Variants in USP28 observed in about 807,000 individuals in gnomAD.
The protein encoded by USP28 is ubiquitin carboxyl-terminal hydrolase 28.
A neutral mutation model predicts 145.0 loss-of-function variants in USP28; 113 were observed. That is an observed-to-expected ratio of 0.78 (90% CI 0.67 to 0.91). USP28 has a LOEUF of 0.91. USP28 is among the 40% of genes least tolerant of loss of function. The probability of loss-of-function intolerance (pLI) is 0.00; values close to 1 mark genes in which losing one functional copy is unlikely to be tolerated. For synonymous variants in USP28, 447 were observed against 450.9 expected (o/e 0.99, Z 0.11); for missense variants, 1,201 against 1,289.6 (o/e 0.93, Z 1.05).
At chr11:113,864,582 C>G (rs1425184170) in intron 1 of USP28, among the ~76,000 whole-genome samples, 1 of 152,148 alleles carries the variant, frequency 6.6e-6, no homozygotes, top group African/African-American at 2.4e-5. Context: ...TGTCTAAGTT[C>G]CAGTGCCAGG....
chr11:113,804,615 T>C lies in USP28; in HGVS notation c.2658+58A>G, dbSNP rs1017941805. On this transcript the variant is annotated intron_variant, in intron 21 of 24. Transcript: ENST00000003302. ...ACAAAATTGTTTATTTTGCCTCAGG[T>C]ACCATTTACCTCAGGAATTAATGTT... 4 of 1,500,312 alleles carry C rather than the reference T, an allele frequency of 2.7e-6. No individual in the cohort carries two copies. In the Admixed American group the frequency reaches 7.5e-5, roughly 28 times the overall value. 92.9% of individuals were successfully genotyped at this position (1,500,312 alleles called of 1,614,324 possible).
intron 11 of USP28, among the ~76,000 whole-genome samples, chr11:113,824,873 G>A (rs1476042108): frequency 6.6e-6 from 1 of 150,660 alleles, no homozygotes; most frequent in Non-Finnish European, 1.5e-5. Flanking sequence ...AGAGGTTGCG[G>A]TGAGCCAAGA....
At chr11:113,829,975 G>A (rs577708338) in intron 9 of USP28, among the ~76,000 whole-genome samples, 1 of 152,232 alleles carries the variant, frequency 6.6e-6, no homozygotes, top group African/African-American at 2.4e-5. Context: ...TTTATAAGAG[G>A]AGGAATAGAG....
At chr11:113,804,618 C>G in intron 21 of USP28, 55 bp downstream of exon 22, 1 of 1,508,972 alleles carries the variant, frequency 6.6e-7, no homozygotes, top group Non-Finnish European at 9.1e-7. Flanking sequence ...CCTCAGGTAC[C>G]ATTTACCTCA....
chr11:113,805,487 C>T (rs1336355869), intron 19 of USP28, among the ~76,000 whole-genome samples: 2 of 152,072 alleles, frequency 1.3e-5, no homozygotes, highest in East Asian at 3.9e-4. Context: ...AACTCCTGAG[C>T]TCAAGCAATC....
chr11:113,847,460 G>A (rs1257204114), intron 3 of USP28, among the ~76,000 whole-genome samples: 1 of 121,052 alleles, frequency 8.3e-6, no homozygotes, highest in Non-Finnish European at 1.7e-5. Context: ...GGGGTGGGGG[G>A]GCGGGGTGGA....
intron 1 of USP28, among the ~76,000 whole-genome samples, chr11:113,870,250 G>T (rs1358702679): frequency 6.6e-6 from 1 of 152,218 alleles, no homozygotes; most frequent in Non-Finnish European, 1.5e-5. Flanking sequence ...GAGGGGGCCA[G>T]GTGTGGTGGC....
exon 16 of USP28, chr11:113,812,326 C>A: frequency 6.2e-7 from 1 of 1,614,134 alleles, no homozygotes; most frequent in African/African-American, 1.3e-5. Flanking sequence ...ACAGTAAGCA[C>A]TAACATTTCT....
intron 7 of USP28, 142 bp downstream of exon 7, chr11:113,833,278 T>C (rs1232038665): frequency 4.3e-6 from 5 of 1,155,448 alleles, no homozygotes; most frequent in Admixed American, 2.3e-5. Flanking sequence ...ACCTGTTCTG[T>C]AGGCAAAACA....
rs1162462865 is a variant in USP28, at chr11:113,804,672, C to T, written c.2658+1G>A. On this transcript the variant is annotated splice_donor_variant, in intron 21 of 24. Transcript: ENST00000003302. LOFTEE classifies it high-confidence loss of function. ...CTATAGACTTAAAGAAAACACTTTACCTTGTACTCTTCCATATTCATGTCA... is the reference window on the plus strand; with the variant it reads ...CTATAGACTTAAAGAAAACACTTTATCTTGTACTCTTCCATATTCATGTCA... 8 of 1,611,952 alleles carry T rather than the reference C, an allele frequency of 5.0e-6. No individual in the cohort carries two copies. The highest frequency in any genetic ancestry group is 6.8e-6 in the Non-Finnish European group (8 of 1,179,748).
At chr11:113,810,049 A>AG (rs1415067723) in intron 16 of USP28, among the ~76,000 whole-genome samples, 1 of 151,524 alleles carries the variant, frequency 6.6e-6, no homozygotes, top group East Asian at 1.9e-4. Context: ...AAAAAAAAAA[A>AG]AAAAAAAAGA....
chr11:113,819,470 T>C (rs1297031126), intron 12 of USP28, among the ~76,000 whole-genome samples: 1 of 152,022 alleles, frequency 6.6e-6, no homozygotes, highest in Non-Finnish European at 1.5e-5. Context: ...AAAATTCAAA[T>C]ACAAAAAAGT....
chr11:113,821,213 C>A, intron 12 of USP28: 1 of 223,088 alleles, frequency 4.5e-6, no homozygotes, highest in East Asian at 1.1e-4. Flanking sequence ...TGTGCTGCTT[C>A]TGGACACCAC....
chr11:113,827,350 G>A, exon 11 of USP28: 5 of 1,599,394 alleles, frequency 3.1e-6, no homozygotes, highest in Non-Finnish European at 4.3e-6. Context: ...AGGTAGCTTT[G>A]TAAACCAACG....
Position 113,814,429 on chromosome 11 carries a change from A to T in USP28, c.1673-474T>A, listed in dbSNP as rs181884820. Among the ~76,000 whole-genome samples, 69 of 152,342 alleles carry T rather than the reference A, an allele frequency of 4.5e-4. 2 individuals are homozygous for T. Among genetic ancestry groups the T allele is most frequent in the Admixed American group, 4.4e-3 (68 of 15,300 alleles). On this transcript the variant is annotated intron_variant, in intron 14 of 24. Coordinates refer to ENST00000003302, the Ensembl canonical transcript of USP28. The stretch of plus-strand genomic sequence containing the variant: ...GGCAATGAGGTCAAAGGGCTTTTTA[A>T]GAATACAATGCTGAATAATCCAATT...
chr11:113,799,679 A>G (rs1489944452), intron 24 of USP28, among the ~76,000 whole-genome samples: 2 of 152,234 alleles, frequency 1.3e-5, no homozygotes, highest in Non-Finnish European at 2.9e-5. Context: ...ACAAGGAAGT[A>G]GATATGATAC....
chr11:113,813,929 T>C, exon 15 of USP28: 2 of 1,610,648 alleles, frequency 1.2e-6, no homozygotes, highest in Non-Finnish European at 1.7e-6. Flanking sequence ...ATAGTCTGAG[T>C]AGTACTTGCA....
At chr11:113,798,343 A>C (rs963350998) in exon 25 of USP28, 1 of 151,990 alleles carries the variant, frequency 6.6e-6, no homozygotes, top group Non-Finnish European at 1.5e-5. Flanking sequence ...TGAGCCCAGG[A>C]GACAGAGTTT....
At position 113,819,619 on chromosome 11, in the gene USP28, C is replaced by G. The variant is rs80196870; in HGVS notation, c.1284-1782G>C. On this transcript the variant is annotated intron_variant, in intron 12 of 24. Coordinates refer to ENST00000003302, the Ensembl canonical transcript of USP28. ...TATGTGTAACCTTAAAAAATAAAAT[C>G]TGAAATTTATAATCATTTTATTTTT... Among the ~76,000 whole-genome samples the G allele has an allele frequency of 8.5e-5, 13 of 152,172 alleles. No individual in the cohort carries two copies. In the East Asian group the frequency reaches 2.5e-3, roughly 29 times the overall value.
Sources: gnomAD v4.1 joint callset for allele counts (sites outside exome capture counted in the v4.1 genomes callset) on GRCh38, gnomAD v4.1.1 for gene constraint, MANE v1.5 for transcripts, NCBI Gene and HGNC (gene_info 2026-07-23, HGNC 2026-07-21) for gene names.